Variants in INPP5F observed in about 807,000 individuals in gnomAD.
INPP5F encodes the protein phosphatidylinositide 4-phosphatase SAC2.
Under a neutral mutation model 137.2 loss-of-function variants are expected in INPP5F, and 97 were observed. The ratio of observed to expected loss-of-function variants is 0.71; its 90% confidence interval spans 0.60 to 0.84. The LOEUF (loss-of-function observed/expected upper bound fraction) is 0.84, where lower values mean the gene tolerates loss of function less well. Among genes scored for constraint, INPP5F ranks in the 40% least tolerant of loss-of-function variants. The pLI is 0.00. For synonymous variants in INPP5F, 504 were observed against 476.9 expected, an observed-to-expected ratio of 1.06 and a Z score of -0.74; for missense variants, 1,271 against 1,371.9, an observed-to-expected ratio of 0.93 and a Z score of 1.16.
intron 2 of INPP5F, among the ~76,000 whole-genome samples, chr10:119,770,864 C>G (rs1849313057): frequency 6.6e-6 from 1 of 152,078 alleles, no homozygotes; most frequent in Non-Finnish European, 1.5e-5. Flanking sequence ...GTTTTTTATC[C>G]TCTTCTTAAG....
intron 6 of INPP5F, among the ~76,000 whole-genome samples, chr10:119,795,277 C>G (rs373036860): frequency 6.6e-6 from 1 of 151,470 alleles, no homozygotes; most frequent in Non-Finnish European, 1.5e-5. Flanking sequence ...ACCTCCCTCG[C>G]GGACGAGGTG....
At chr10:119,799,381 A>G (rs1365854644) in intron 9 of INPP5F, 1 of 400,522 alleles carries the variant, frequency 2.5e-6, no homozygotes, top group Non-Finnish European at 4.9e-6. Context: ...GGAGGAAAAA[A>G]AAGAAAAAAA....
Position 119,827,471 on chromosome 10 carries a change from A to G in INPP5F, c.3090A>G (p.Pro1030=), listed in dbSNP as rs767528194. The G allele has an allele frequency of 8.7e-6, 14 of 1,614,192 alleles. No individual in the cohort carries two copies. The Middle Eastern group carries it at 6.6e-4, about 76-fold the overall frequency. The part of the protein sequence containing the change: ...ATGPQFLSVE[P]AHSVASQKTP... ...GCCCACAGTTTTTGTCAGTTGAGCCAGCGCATTCAGTTGCATCTCAAAAAA... is the reference window on the plus strand; with the variant it reads ...GCCCACAGTTTTTGTCAGTTGAGCCGGCGCATTCAGTTGCATCTCAAAAAA... Residue 1030 remains proline (P), a synonymous_variant, in exon 20 of 20, where the codon CCA becomes CCG. Transcript: ENST00000650623.
chr10:119,771,876 ATATATATTTTTTTTTTTT>A (rs1849366350), intron 2 of INPP5F, among the ~76,000 whole-genome samples: 2 of 20,920 alleles, frequency 9.6e-5, no homozygotes, highest in African/African-American at 2.0e-4. Context: ...ATATATATAT[ATATATATTTTTTTTTTTT>A]TTTTTTTTTT....
intron 2 of INPP5F, among the ~76,000 whole-genome samples, chr10:119,764,870 G>A (rs969610931): frequency 3.9e-5 from 6 of 151,934 alleles, no homozygotes; most frequent in South Asian, 2.1e-4. Context: ...GAGCCACCAC[G>A]CCTGGCCCCT....
intron 9 of INPP5F, among the ~76,000 whole-genome samples, chr10:119,802,628 ATATC>A (rs1196446816): frequency 6.6e-6 from 1 of 152,160 alleles, no homozygotes; most frequent in Non-Finnish European, 1.5e-5. Context: ...ACTCCAGAAA[ATATC>A]TTTCTTTTTT....
intron 13 of INPP5F, among the ~76,000 whole-genome samples, chr10:119,809,593 TGTTC>T (rs1467736859): frequency 3.9e-5 from 6 of 152,218 alleles, no homozygotes; most frequent in Admixed American, 3.9e-4. Context: ...GTCACTGGGT[TGTTC>T]TACAGGTGCT....
chr10:119,804,377 T>C (rs576191880), intron 10 of INPP5F, 80 bp downstream of exon 10: 3 of 1,161,586 alleles, frequency 2.6e-6, no homozygotes, highest in East Asian at 5.4e-5. Flanking sequence ...TAGTTTCTCT[T>C]CTTTGCTGGG....
chr10:119,820,712 C>T (rs924300336), intron 15 of INPP5F, 134 bp from the exon 16 acceptor site: 9 of 662,898 alleles, frequency 1.4e-5, no homozygotes, highest in Non-Finnish European at 2.5e-5. Flanking sequence ...TGCAGTAGAA[C>T]TCATTGATTA....
chr10:119,805,413 C>G lies in INPP5F; in HGVS notation c.1271C>G (p.Thr424Arg), dbSNP rs141716473. ...CRGMKFENVQ[T>R]LTDAIYDIIL... The stretch of plus-strand genomic sequence containing the variant: ...GGAATGAAGTTTGAGAATGTTCAGA[C>G]ACTAACAGATGCCATTTATGACATT... The change falls in exon 11 of 20, where the codon ACA (threonine) becomes AGA (arginine). Residue 424 changes from threonine (T) to arginine (R), a missense_variant. Physicochemically the swap from Thr to Arg is moderately conservative, Grantham distance 71. Coordinates refer to ENST00000650623, the MANE Select transcript of INPP5F (RefSeq NM_014937.4). 3 of 1,613,182 alleles carry G rather than the reference C, an allele frequency of 1.9e-6. No homozygotes were observed. The East Asian group carries it at 6.7e-5, about 36-fold the overall frequency.
chr10:119,819,422 CA>C (rs1043036293), intron 15 of INPP5F: 7 of 1,478,136 alleles, frequency 4.7e-6, no homozygotes, highest in Admixed American at 2.3e-5. Flanking sequence ...ATATTAATGC[CA>C]AAATAGGAGC....
Position 119,806,427 on chromosome 10 carries a change from G to A in INPP5F, c.1387G>A (p.Asp463Asn). 1.2e-6 allele frequency: 2 copies of A among 1,610,694 alleles called. No individual in the cohort carries two copies. The highest frequency in any genetic ancestry group is 1.7e-6 in the Non-Finnish European group (2 of 1,178,514). Reference protein sequence around the residue: ...IFRVNCMDCLDRTNVVQAAIA... With the variant: ...IFRVNCMDCLNRTNVVQAAIA... ...TCGTGTTAATTGTATGGACTGCCTG[G>A]ATCGCACCAACGTGGTCCAAGCTGC... The change falls in exon 12 of 20, where the codon GAT (aspartate) becomes AAT (asparagine). Residue 463 changes from aspartate to asparagine, a missense_variant. Asp to Asn is a conservative substitution (Grantham distance 23). This residue lies in a region of INPP5F where 593 missense variants were observed against 712.4 expected (regional missense o/e 0.83). Coordinates refer to ENST00000650623, the MANE Select transcript of INPP5F (RefSeq NM_014937.4).
intron 2 of INPP5F, among the ~76,000 whole-genome samples, chr10:119,772,950 G>A (rs146095321): frequency 6.6e-6 from 1 of 151,984 alleles, no homozygotes; most frequent in African/African-American, 2.4e-5. Flanking sequence ...GGGTTTCACT[G>A]TGTTGGCCAG....
At chr10:119,754,207 C>G (rs912697831) in intron 2 of INPP5F, among the ~76,000 whole-genome samples, 1 of 152,162 alleles carries the variant, frequency 6.6e-6, no homozygotes, top group Non-Finnish European at 1.5e-5. Flanking sequence ...TAGATCAGAC[C>G]GTGCTCCAGA....
At chr10:119,816,413 C>G (rs769020510) in intron 15 of INPP5F, 1 of 152,190 alleles carries the variant, frequency 6.6e-6, no homozygotes, top group Non-Finnish European at 1.5e-5. Flanking sequence ...ATCTAGATTA[C>G]AGAATTCTTT....
At chr10:119,813,601 G>C (rs1019345876) in intron 15 of INPP5F, among the ~76,000 whole-genome samples, 1 of 152,008 alleles carries the variant, frequency 6.6e-6, no homozygotes, top group African/African-American at 2.4e-5. Flanking sequence ...CACCAGCCTG[G>C]GTGACAGAGT....
intron 6 of INPP5F, among the ~76,000 whole-genome samples, chr10:119,794,569 G>C (rs1364969323): frequency 6.6e-6 from 1 of 151,810 alleles, no homozygotes; most frequent in Non-Finnish European, 1.5e-5. Flanking sequence ...CCGGGCAGAG[G>C]GGCTCCTCAC....
At chr10:119,727,153 T>G (rs1847918293) in intron 1 of INPP5F, among the ~76,000 whole-genome samples, 1 of 152,230 alleles carries the variant, frequency 6.6e-6, no homozygotes, top group African/African-American at 2.4e-5. Context: ...AAGATGGGGC[T>G]GGGTGGCACC....
At chr10:119,747,778 T>C (rs1848581539) in intron 1 of INPP5F, among the ~76,000 whole-genome samples, 1 of 152,148 alleles carries the variant, frequency 6.6e-6, no homozygotes, top group Non-Finnish European at 1.5e-5. Flanking sequence ...CACTTAAATG[T>C]TTTCTTTGAG....
Sources: gnomAD v4.1 joint callset for allele counts (sites outside exome capture counted in the v4.1 genomes callset) on GRCh38, gnomAD v4.1.1 for gene constraint, gnomAD v4.1.1 regional missense constraint, MANE v1.5 for transcripts, NCBI Gene and HGNC (gene_info 2026-07-23, HGNC 2026-07-21) for gene names.